The following SETD2 variants were observed in gnomAD, a reference collection of about 807,000 sequenced individuals.
SETD2 encodes SET domain containing 2, histone lysine methyltransferase.
SETD2 carries 31 observed loss-of-function variants against 242.1 expected under a neutral mutation model. That is an observed-to-expected ratio of 0.13 (90% CI 0.10 to 0.17). The LOEUF is 0.17. Among genes scored for constraint, SETD2 ranks in the 10% least tolerant of loss-of-function variants. The pLI, the probability that SETD2 is intolerant of heterozygous loss-of-function variation, is 1.00. For synonymous variants in SETD2, 1,006 were observed against 1,066.5 expected, an observed-to-expected ratio of 0.94 and a Z score of 1.11; for missense variants, 2,481 against 3,046.3, an observed-to-expected ratio of 0.81 and a Z score of 4.37.
At chr3:47,085,714 A>G (rs1246429690) in intron 11 of SETD2, among the ~76,000 whole-genome samples, 5 of 152,250 alleles carry the variant, frequency 3.3e-5, no homozygotes, top group Non-Finnish European at 7.3e-5. Context: ...AGGTAAAGAC[A>G]TCGTAACTCC....
chr3:47,048,800 T>C (rs1451131615), intron 15 of SETD2, among the ~76,000 whole-genome samples: 1 of 152,040 alleles, frequency 6.6e-6, no homozygotes, highest in Non-Finnish European at 1.5e-5. Flanking sequence ...CCCGAGTACC[T>C]GGGACTACAG....
intron 5 of SETD2, among the ~76,000 whole-genome samples, chr3:47,106,451 G>A (rs1457634283): frequency 9.3e-6 from 1 of 107,638 alleles, no homozygotes; most frequent in Non-Finnish European, 1.8e-5. Context: ...AAACAGCTCT[G>A]AAGAAATCAA....
intron 13 of SETD2, among the ~76,000 whole-genome samples, chr3:47,063,018 G>C (rs1575710664): frequency 6.6e-6 from 1 of 152,148 alleles, no homozygotes; most frequent in Admixed American, 6.5e-5. Flanking sequence ...ATGGGGGACT[G>C]GTTCCAGGAA....
intron 5 of SETD2, among the ~76,000 whole-genome samples, chr3:47,113,542 A>G (rs964246461): frequency 1.3e-5 from 2 of 152,180 alleles, no homozygotes; most frequent in African/African-American, 4.8e-5. Context: ...ACAACACAAA[A>G]ATGAAGTGAA....
At chr3:47,090,679 T>C (rs2041765302) in intron 9 of SETD2, among the ~76,000 whole-genome samples, 1 of 152,132 alleles carries the variant, frequency 6.6e-6, no homozygotes, top group Non-Finnish European at 1.5e-5. Context: ...CGTGAGCCAC[T>C]GCGCCCAGCC....
At chr3:47,055,448 G>A (rs536981770) in intron 15 of SETD2, among the ~76,000 whole-genome samples, 1 of 152,050 alleles carries the variant, frequency 6.6e-6, no homozygotes, top group East Asian at 1.9e-4. Flanking sequence ...GCTCACGTCT[G>A]TAATCTCAAC....
At chr3:47,075,068 A>T (rs965085113) in intron 12 of SETD2, among the ~76,000 whole-genome samples, 5 of 150,410 alleles carry the variant, frequency 3.3e-5, no homozygotes, top group Non-Finnish European at 7.4e-5. Flanking sequence ...CAGGAGGTGG[A>T]GCTTGCAGTG....
intron 1 of SETD2, among the ~76,000 whole-genome samples, chr3:47,127,824 A>C (rs1266017893): frequency 6.6e-6 from 1 of 152,236 alleles, no homozygotes; most frequent in Non-Finnish European, 1.5e-5. Context: ...ATTGCACTCC[A>C]GCCTGGGCAA....
At chr3:47,035,526 C>T (rs540322046) in intron 18 of SETD2, among the ~76,000 whole-genome samples, 5 of 152,346 alleles carry the variant, frequency 3.3e-5, no homozygotes, top group Admixed American at 2.6e-4. Flanking sequence ...GATTTCCTAA[C>T]ACAGGTCTTC....
Position 47,120,166 on chromosome 3 carries a change from TATTA to T in SETD2, c.4454+12_4454+15del, listed in dbSNP as rs749594822. On this transcript the variant is annotated intron_variant, in intron 3 of 20. Transcript: ENST00000409792. ...AAAGAGTTAAAATTTGTCAAACAAG[TATTA>T]ATTAGACTTACCTTTCTGTTAAATA... 30 of 1,494,686 alleles carry T rather than the reference TATTA, an allele frequency of 2.0e-5. No homozygotes were observed. Among genetic ancestry groups the T allele is most frequent in the East Asian group, 4.6e-5 (2 of 43,932 alleles). The allele number at this position is 1,494,686 out of a possible 1,614,324, so 92.6% of individuals were successfully genotyped here.
At chr3:47,105,665 C>T in intron 6 of SETD2, 1 of 450,172 alleles carries the variant, frequency 2.2e-6, no homozygotes, top group Non-Finnish European at 4.4e-6. Context: ...GTGGCTCATG[C>T]CTGTAATCTC....
intron 5 of SETD2, among the ~76,000 whole-genome samples, chr3:47,112,300 A>C (rs2107714029): frequency 6.6e-6 from 1 of 151,582 alleles, no homozygotes; most frequent in Non-Finnish European, 1.5e-5. Context: ...TTGTTTTTTG[A>C]GACAGAGTTT....
intron 6 of SETD2, among the ~76,000 whole-genome samples, chr3:47,103,744 G>GCACACACA (rs35888397): frequency 1.3e-5 from 2 of 151,022 alleles, no homozygotes; most frequent in East Asian, 3.9e-4. Flanking sequence ...GCACACGCAC[G>GCACACACA]CACACACACA....
Position 47,124,880 on chromosome 3 carries a change from CAT to C in SETD2, c.88-334_88-333del, listed in dbSNP as rs201790544. 7.2e-4 allele frequency among the ~76,000 whole-genome samples: 110 copies of C among 152,214 alleles called. 1 individual carries two copies. The East Asian group carries it at 0.02, about 28-fold the overall frequency. On this transcript the variant is annotated intron_variant, in intron 2 of 20. Coordinates refer to ENST00000409792, the MANE Select transcript of SETD2 (RefSeq NM_014159.7). ...TAAAAAGAATTTTTTAAAAACCTGA[CAT>C]ATGTTTGAAAGACATTTGTATAAAG... is the stretch of plus-strand genomic sequence containing the variant.
intron 14 of SETD2, among the ~76,000 whole-genome samples, chr3:47,060,233 G>A (rs549373933): frequency 1.3e-5 from 2 of 152,182 alleles, no homozygotes; most frequent in Non-Finnish European, 2.9e-5. Context: ...CTGCACTCCA[G>A]CTTGGGCAAC....
chr3:47,077,781 G>C (rs2041154430), intron 12 of SETD2, among the ~76,000 whole-genome samples: 1 of 152,102 alleles, frequency 6.6e-6, no homozygotes, highest in African/African-American at 2.4e-5. Context: ...AGATGAGCCT[G>C]GAACAGCATA....
In SETD2 at chr3:47,105,987, A is replaced by G. The variant is rs2042404462; in HGVS notation, c.4839+10T>C. The G allele has an allele frequency of 6.2e-7, 1 of 1,613,052 alleles. No individual in the cohort carries two copies. On this transcript the variant is annotated intron_variant, in intron 6 of 20. Transcript: ENST00000409792. The stretch of plus-strand genomic sequence containing the variant: ...ATCTGTTTCAAGGCAAACATATCCA[A>G]GCTGCTTACCTCATCATTCTTCAGG...
At chr3:47,021,189 G>T (rs2038203188) in intron 18 of SETD2, among the ~76,000 whole-genome samples, 3 of 152,108 alleles carry the variant, frequency 2.0e-5, no homozygotes, top group Non-Finnish European at 4.4e-5. Context: ...TAGGTAGCAA[G>T]GGATCAAGAA....
At chr3:47,105,406 T>A (rs796727274) in intron 6 of SETD2, among the ~76,000 whole-genome samples, 161 of 90,150 alleles carry the variant, frequency 1.8e-3, no homozygotes, top group African/African-American at 7.9e-3. Context: ...CAAGACACTA[T>A]CTCTAAAAAA....
Sources: gnomAD v4.1 joint callset for allele counts (sites outside exome capture counted in the v4.1 genomes callset) on GRCh38, gnomAD v4.1.1 for gene constraint, MANE v1.5 for transcripts, NCBI Gene and HGNC (gene_info 2026-07-23, HGNC 2026-07-21) for gene names.